Variants in CAMK2D observed in about 807,000 individuals in gnomAD.
The protein encoded by CAMK2D is calcium/calmodulin-dependent protein kinase type II subunit delta.
In CAMK2D, 37 loss-of-function variants were observed where a neutral mutation model predicts 84.0. That is an observed-to-expected ratio of 0.44 (90% confidence interval 0.34 to 0.58). The LOEUF (loss-of-function observed/expected upper bound fraction) is 0.58, where lower values mean the gene tolerates loss of function less well. Ranked by LOEUF, CAMK2D falls within the 20% of genes least tolerant of loss-of-function variation. The pLI, the probability that CAMK2D is intolerant of heterozygous loss-of-function variation, is 0.02. For synonymous variants in CAMK2D, 202 were observed against 212.5 expected (o/e 0.95, Z 0.43); for missense variants, 448 against 652.5 (o/e 0.69, Z 3.41).
chr4:113,621,745 A>G (rs1319026329), intron 3 of CAMK2D, among the ~76,000 whole-genome samples: 1 of 152,236 alleles, frequency 6.6e-6, no homozygotes, highest in Non-Finnish European at 1.5e-5. Context: ...GCACTCATAC[A>G]GTCATTAAGA....
chr4:113,526,419 T>TGC (rs1203678404), intron 8 of CAMK2D, among the ~76,000 whole-genome samples: 3 of 151,236 alleles, frequency 2.0e-5, no homozygotes, highest in African/African-American at 7.3e-5. Flanking sequence ...TCTTGATGTG[T>TGC]GTGTGTGTGT....
chr4:113,515,181 G>T lies in CAMK2D; in HGVS notation c.707C>A (p.Pro236Gln). The T allele has an allele frequency of 6.3e-7, 1 of 1,590,760 alleles. No individual in the cohort carries two copies. Among genetic ancestry groups the T allele is most frequent in the Non-Finnish European group, 8.5e-7 (1 of 1,170,720 alleles). The change falls in exon 10 of 21, where the codon CCA (proline) becomes CAA (glutamine). Residue 236 changes from proline to glutamine, a missense_variant. Pro to Gln is a moderately conservative substitution (Grantham distance 76). Around this residue, in one of 7 missense-constraint regions of CAMK2D, gnomAD observed 69 missense variants for 175.6 expected, o/e 0.39. Transcript: ENST00000511664. ...IKAGAYDFPS[P>Q]EWDTVTPEAK... ...TTCAGGAGTCACCGTGTCCCATTCT[G>T]GTGATGGAAACTTCAAAAATATAAA...
chr4:113,709,768 TA>T (rs1675490917), intron 2 of CAMK2D, among the ~76,000 whole-genome samples: 1 of 121,784 alleles, frequency 8.2e-6, no homozygotes, highest in Admixed American at 8.7e-5. Context: ...TATATATATA[TA>T]TATATATATA....
rs547290896 is a variant in CAMK2D, at chr4:113,479,487, T to C, written c.1136-13883A>G. Among the ~76,000 whole-genome samples, 3 of 152,338 alleles carry C rather than the reference T, an allele frequency of 2.0e-5. No individual in the cohort carries two copies. In the East Asian group the frequency reaches 5.8e-4, roughly 29 times the overall value. The stretch of plus-strand genomic sequence containing the variant: ...ATGTAGAAACCTCATAATTAATTCA[T>C]TAATCTATTAAGTGCCTATTATATG... On this transcript the variant is annotated intron_variant, in intron 16 of 20. Transcript: ENST00000511664.
chr4:113,739,275 T>C (rs1044518354), intron 2 of CAMK2D, among the ~76,000 whole-genome samples: 4 of 152,146 alleles, frequency 2.6e-5, no homozygotes, highest in Non-Finnish European at 5.9e-5. Flanking sequence ...CCCCAGGTTT[T>C]AGTGAAAGAG....
chr4:113,498,527 T>G (rs1304919544), intron 16 of CAMK2D, among the ~76,000 whole-genome samples: 1 of 152,202 alleles, frequency 6.6e-6, no homozygotes, highest in African/African-American at 2.4e-5. Context: ...AATGTATTTA[T>G]TAAGGTAATA....
intron 2 of CAMK2D, among the ~76,000 whole-genome samples, chr4:113,698,274 C>G: frequency 6.6e-6 from 1 of 152,054 alleles, no homozygotes; most frequent in East Asian, 1.9e-4. Context: ...GCTGAAAAAT[C>G]ATTAAGTCAA....
intron 8 of CAMK2D, among the ~76,000 whole-genome samples, chr4:113,526,617 GAT>G (rs997774847): frequency 2.3e-4 from 35 of 151,798 alleles, no homozygotes; most frequent in African/African-American, 7.5e-4. Context: ...ACATTTCACA[GAT>G]ATGAAATCTC....
At chr4:113,650,853 T>C (rs1434269627) in intron 3 of CAMK2D, among the ~76,000 whole-genome samples, 1 of 152,218 alleles carries the variant, frequency 6.6e-6, no homozygotes, top group African/African-American at 2.4e-5. Context: ...GTAAGTAATA[T>C]CATTTTCTGA....
intron 1 of CAMK2D, 150 bp downstream of exon 1, chr4:113,760,854 G>T (rs1298415603): frequency 1.1e-6 from 1 of 915,652 alleles, no homozygotes; most frequent in Admixed American, 2.1e-5. Context: ...TATTAAGACA[G>T]CACCTTCCCC....
intron 2 of CAMK2D, among the ~76,000 whole-genome samples, chr4:113,689,405 C>T (rs1394865273): frequency 6.6e-6 from 1 of 152,166 alleles, no homozygotes; most frequent in East Asian, 1.9e-4. Flanking sequence ...TTTGTTCCTG[C>T]AAATCTCCAC....
chr4:113,734,145 G>A (rs1257503203), intron 2 of CAMK2D, among the ~76,000 whole-genome samples: 2 of 152,064 alleles, frequency 1.3e-5, no homozygotes, highest in South Asian at 2.1e-4. Context: ...GCTTTGAACT[G>A]AGGGCATAAA....
chr4:113,728,955 C>T (rs1008154223), intron 2 of CAMK2D, among the ~76,000 whole-genome samples: 10 of 152,104 alleles, frequency 6.6e-5, no homozygotes, highest in Non-Finnish European at 4.4e-5. Flanking sequence ...CAATTCTCTA[C>T]CTAAAACTAA....
In CAMK2D at chr4:113,537,355, T is replaced by C; in HGVS notation, c.503A>G (p.Gln168Arg). The change falls in exon 7 of 21, where the codon CAG (glutamine) becomes CGG (arginine). Residue 168 changes from glutamine (Q) to arginine (R), a missense_variant. Transcript: ENST00000511664. ...GCCCTACTCACCAAACCACGCCTGC[T>C]GGTCCCCTTGAACTTCTATGGCTAA... is the stretch of plus-strand genomic sequence containing the variant. Reference protein sequence around the residue: ...FGLAIEVQGDQQAWFGFAGTP... With the variant: ...FGLAIEVQGDRQAWFGFAGTP... 6.2e-7 allele frequency: 1 copy of C among 1,604,090 alleles called. No individual in the cohort carries two copies. Among genetic ancestry groups the C allele is most frequent in the Non-Finnish European group, 8.5e-7 (1 of 1,170,922 alleles).
chr4:113,515,271 T>G (rs2098270159), intron 9 of CAMK2D, 80 bp from the exon 10 acceptor site: 3 of 840,360 alleles, frequency 3.6e-6, no homozygotes, highest in Non-Finnish European at 5.5e-6. Context: ...ACATGAATCA[T>G]TCCCTCAAGT....
rs145348743 is a variant in CAMK2D, at chr4:113,528,629, G to A, written c.601+2587C>T. Among the ~76,000 whole-genome samples the A allele has an allele frequency of 4.6e-4, 70 of 151,962 alleles. 1 individual carries two copies. The East Asian group carries it at 0.013, about 28-fold the overall frequency. On this transcript the variant is annotated intron_variant, in intron 8 of 20. Transcript: ENST00000511664. ...TATTGTATGCCACACTATCCCTCTA[G>A]TGTTCAAGGTCCAAATGCAGCGTTT...
intron 3 of CAMK2D, among the ~76,000 whole-genome samples, chr4:113,651,020 G>T (rs2099170476): frequency 6.6e-6 from 1 of 152,240 alleles, no homozygotes; most frequent in Non-Finnish European, 1.5e-5. Context: ...ACTAAAAACT[G>T]AAAGTAATCT....
chr4:113,584,261 A>T (rs1175621627), intron 4 of CAMK2D, among the ~76,000 whole-genome samples: 1 of 152,182 alleles, frequency 6.6e-6, no homozygotes, highest in Non-Finnish European at 1.5e-5. Flanking sequence ...TTGACCTCAA[A>T]GTGTGAGAGC....
chr4:113,601,257 T>C (rs1340141010), intron 4 of CAMK2D, among the ~76,000 whole-genome samples: 2 of 152,214 alleles, frequency 1.3e-5, no homozygotes, highest in Non-Finnish European at 2.9e-5. Context: ...TCGTGTATTT[T>C]GCCTTCCACT....
Sources: gnomAD v4.1 joint callset for allele counts (sites outside exome capture counted in the v4.1 genomes callset) on GRCh38, gnomAD v4.1.1 for gene constraint, gnomAD v4.1.1 regional missense constraint, MANE v1.5 for transcripts, NCBI Gene and HGNC (gene_info 2026-07-23, HGNC 2026-07-21) for gene names.